TENM3: variants seen among roughly 807,000 people sequenced by gnomAD.
The protein encoded by TENM3 is teneurin-3.
In TENM3, 63 loss-of-function variants were observed where a neutral mutation model predicts 255.1. The observed-to-expected ratio is 0.25, with a 90% CI of 0.20 to 0.30. The LOEUF (loss-of-function observed/expected upper bound fraction) is 0.30. Among genes scored for constraint, TENM3 ranks in the 10% least tolerant of loss-of-function variants. The pLI, the probability that TENM3 is intolerant of heterozygous loss-of-function variation, is 1.00. For missense variants in TENM3, 2,929 were observed against 3,461.1 expected (o/e 0.85, Z 3.86); for synonymous variants, 1,306 against 1,322.3 (o/e 0.99, Z 0.27).
chr4:182,619,321 C>T (rs890740465), intron 4 of TENM3, among the ~76,000 whole-genome samples: 1 of 151,938 alleles, frequency 6.6e-6, no homozygotes, highest in Non-Finnish European at 1.5e-5. Context: ...GTCCCAGCTA[C>T]TTGGGAGGCT....
At chr4:182,329,257 C>A (rs899231541) in intron 2 of TENM3, among the ~76,000 whole-genome samples, 3 of 152,114 alleles carry the variant, frequency 2.0e-5, no homozygotes, top group African/African-American at 2.4e-5. Flanking sequence ...TGGGGTGAAG[C>A]CCTAACGTGA....
chr4:181,966,892 A>G, the TENM3 span, among the ~76,000 whole-genome samples: 1 of 152,110 alleles, frequency 6.6e-6, no homozygotes, highest in Non-Finnish European at 1.5e-5. Flanking sequence ...TGTATAAGGA[A>G]CACAGCTAGC....
chr4:181,804,705 G>C, the TENM3 span, among the ~76,000 whole-genome samples: 6 of 152,046 alleles, frequency 3.9e-5, no homozygotes, highest in Non-Finnish European at 7.4e-5. Context: ...TAAAACTTTG[G>C]GGCAAAAGAA....
the TENM3 span, among the ~76,000 whole-genome samples, chr4:181,978,967 T>C: frequency 7.0e-6 from 1 of 143,312 alleles, no homozygotes; most frequent in Non-Finnish European, 1.5e-5. Flanking sequence ...AGTTTATGGA[T>C]TGCTTAAGTG....
At chr4:182,622,618 A>C (rs546801162) in intron 4 of TENM3, among the ~76,000 whole-genome samples, 47 of 152,296 alleles carry the variant, frequency 3.1e-4, no homozygotes, top group Non-Finnish European at 5.4e-4. Context: ...TAAAACACAC[A>C]TCCCAGGCTT....
upstream of TENM3, among the ~76,000 whole-genome samples, chr4:182,239,243 A>AT (rs571950677): frequency 2.8e-4 from 43 of 151,784 alleles, no homozygotes; most frequent in African/African-American, 1.0e-3. Flanking sequence ...TATCTGCCTA[A>AT]TTTTTTGTAT....
chr4:182,731,607 AAAAC>A (rs1760714686), intron 16 of TENM3, among the ~76,000 whole-genome samples: 1 of 152,008 alleles, frequency 6.6e-6, no homozygotes, highest in South Asian at 2.1e-4. Context: ...AAAAAAGACA[AAAAC>A]AAAACCAAAA....
intron 3 of TENM3, among the ~76,000 whole-genome samples, chr4:182,572,522 TGAA>T (rs900764435): frequency 6.6e-6 from 1 of 152,200 alleles, no homozygotes; most frequent in Admixed American, 6.5e-5. Flanking sequence ...GCAGTAGCCT[TGAA>T]GAATTCCACA....
chr4:182,775,745 CCT>C (rs752245947), intron 24 of TENM3, among the ~76,000 whole-genome samples: 1 of 152,118 alleles, frequency 6.6e-6, no homozygotes, highest in Admixed American at 6.6e-5. Context: ...CAGCTGTGCC[CCT>C]CTCTCTGCAT....
At chr4:182,009,443 C>A in the TENM3 span, among the ~76,000 whole-genome samples, 6 of 152,152 alleles carry the variant, frequency 3.9e-5, no homozygotes, top group South Asian at 4.1e-4. Context: ...GGAGAGCCTG[C>A]AGATAAGCCC....
chr4:181,769,925 G>A, the TENM3 span, among the ~76,000 whole-genome samples: 1 of 152,134 alleles, frequency 6.6e-6, no homozygotes, highest in Non-Finnish European at 1.5e-5. Context: ...AGCATGTCAT[G>A]TATGTTTAAT....
chr4:181,633,443 A>G, the TENM3 span, among the ~76,000 whole-genome samples: 2 of 152,176 alleles, frequency 1.3e-5, no homozygotes, highest in East Asian at 3.9e-4. Flanking sequence ...ATTTGTAGTC[A>G]GGTGCAAATA....
At chr4:181,572,065 T>G in the TENM3 span, among the ~76,000 whole-genome samples, 1 of 152,314 alleles carries the variant, frequency 6.6e-6, no homozygotes, top group South Asian at 2.1e-4. Context: ...CTGCAAAAAA[T>G]TTCAAACGAT....
chr4:182,759,134 AC>A (rs1762944939), intron 22 of TENM3, among the ~76,000 whole-genome samples: 1 of 152,218 alleles, frequency 6.6e-6, no homozygotes. Flanking sequence ...CTTGGTACAA[AC>A]TTGAGTGTAC....
intron 1 of TENM3, among the ~76,000 whole-genome samples, chr4:182,311,227 C>A (rs1192865407): frequency 6.6e-6 from 1 of 152,220 alleles, no homozygotes; most frequent in East Asian, 1.9e-4. Context: ...ATTTTATCCT[C>A]TTGGTCTTAC....
intron 26 of TENM3, among the ~76,000 whole-genome samples, chr4:182,794,488 C>T (rs1190804542): frequency 6.6e-6 from 1 of 152,272 alleles, no homozygotes; most frequent in East Asian, 1.9e-4. Context: ...ACCACCATTG[C>T]CTCAGGACAG....
chr4:182,440,949 G>A (rs571943805), intron 3 of TENM3, among the ~76,000 whole-genome samples: 78 of 152,060 alleles, frequency 5.1e-4, no homozygotes, highest in Non-Finnish European at 8.5e-4. Flanking sequence ...CCCAGTTCCC[G>A]ATAGTTACCT....
chr4:182,298,737 C>T lies in TENM3; in HGVS notation c.-75-25209C>T, dbSNP rs181639078. 1.7e-3 allele frequency among the ~76,000 whole-genome samples: 252 copies of T among 151,948 alleles called. 1 individual carries two copies. Among genetic ancestry groups the T allele is most frequent in the South Asian group, 0.015 (70 of 4,806 alleles). On this transcript the variant is annotated intron_variant, in intron 1 of 27. Coordinates refer to ENST00000511685, the MANE Select transcript of TENM3 (RefSeq NM_001080477.4). ...CCTGTAATCCCAGCACTTTGAGAAGCCGAGGCAGGTGGATCACCTGAGGTC... is the reference window on the plus strand; with the variant it reads ...CCTGTAATCCCAGCACTTTGAGAAGTCGAGGCAGGTGGATCACCTGAGGTC...
intron 1 of TENM3, among the ~76,000 whole-genome samples, chr4:182,147,806 C>T (rs757380847): frequency 1.3e-5 from 2 of 152,044 alleles, no homozygotes; most frequent in Non-Finnish European, 2.9e-5. Context: ...TTCATAGTTG[C>T]CTTGTAAAGT....
Sources: allele counts gnomAD v4.1 joint callset (sites outside exome capture counted in the v4.1 genomes callset), GRCh38; gene constraint gnomAD v4.1.1; transcripts MANE v1.5; gene names NCBI Gene and HGNC (gene_info 2026-07-23, HGNC 2026-07-21).